MMP28: variants seen among roughly 807,000 people sequenced by gnomAD.
The protein encoded by MMP28 is matrix metalloproteinase-28.
MMP28 carries 55 observed loss-of-function variants against 60.5 expected under a neutral mutation model. The observed-to-expected ratio is 0.91, with a 90% CI of 0.73 to 1.14. MMP28 has a LOEUF of 1.14. MMP28 is among the 50% of genes most tolerant of loss of function. MMP28 has a pLI of 0.00. For missense variants in MMP28, 686 were observed against 738.3 expected (o/e 0.93, Z 0.82); for synonymous variants, 318 against 312.5 (o/e 1.02, Z -0.18).
chr17:35,791,834 C>T (rs1244431273), intron 1 of MMP28, among the ~76,000 whole-genome samples: 1 of 152,180 alleles, frequency 6.6e-6, no homozygotes, highest in African/African-American at 2.4e-5. Flanking sequence ...TCTCACCCTA[C>T]ACGTGCTAGC....
At position 35,767,827 on chromosome 17, in the gene MMP28, T is replaced by C; in HGVS notation, c.1093A>G (p.Arg365Gly). ...ATGTTGGGGGGCAGCCCGACCCATC[T>C]TTCCTGCAGTGGACGGGGCTCTGAG... The part of the protein sequence containing the change: ...NVSEPRPLQE[R>G]WVGLPPNIEA... The change falls in exon 7 of 8, where the codon AGA becomes GGA. Residue 365 changes from arginine (R) to glycine (G), a missense_variant. Physicochemically the swap from Arg to Gly is moderately radical, Grantham distance 125 (BLOSUM62 -2). Coordinates refer to ENST00000605424, the MANE Select transcript of MMP28 (RefSeq NM_024302.5). The C allele has an allele frequency of 1.2e-6, 2 of 1,611,826 alleles. No homozygotes were observed. The highest frequency in any genetic ancestry group is 1.3e-5 in the African/African-American group (1 of 75,024).
intron 1 of MMP28, among the ~76,000 whole-genome samples, chr17:35,787,625 G>C (rs1329570128): frequency 1.3e-5 from 2 of 152,054 alleles, no homozygotes; most frequent in Non-Finnish European, 2.9e-5. Flanking sequence ...CGACTATCTG[G>C]GATTACAGGC....
rs753052718 is a variant in MMP28, at chr17:35,770,309, C to T, written c.608G>A (p.Gly203Asp). 159 of 1,511,106 alleles carry T rather than the reference C, an allele frequency of 1.1e-4. No individual in the cohort carries two copies. Among genetic ancestry groups the T allele is most frequent in the Non-Finnish European group, 1.3e-4 (153 of 1,138,404 alleles). The allele number at this position is 1,511,106 out of a possible 1,614,324, so 93.6% of individuals were successfully genotyped here. A position where few individuals can be genotyped will look rare whatever the true frequency, so the allele number is the denominator to read the frequency against. Residue 203 changes from glycine to aspartate, a missense_variant, in exon 5 of 8, where the codon GGC (glycine) becomes GAC (aspartate). Physicochemically the swap from Gly to Asp is moderately conservative, Grantham distance 94. Coordinates refer to ENST00000605424, the MANE Select transcript of MMP28 (RefSeq NM_024302.5). ...GLGNAFDGPG[G>D]ALAHAFLPRR... is the part of the protein sequence containing the mutation. ...GGGCAGGAAGGCGTGCGCCAGGGCGCCCCCTGCAGGTGGGGCAGAAGGTCA... is the reference window on the plus strand; with the variant it reads ...GGGCAGGAAGGCGTGCGCCAGGGCGTCCCCTGCAGGTGGGGCAGAAGGTCA...
chr17:35,767,863 C>A lies in MMP28; in HGVS notation c.1057G>T (p.Asp353Tyr). The A allele has an allele frequency of 6.2e-7, 1 of 1,609,654 alleles. No individual in the cohort carries two copies. Among genetic ancestry groups the A allele is most frequent in the Non-Finnish European group, 8.5e-7 (1 of 1,178,268 alleles). Residue 353 changes from aspartate (D) to tyrosine (Y), a missense_variant, in exon 7 of 8, where the codon GAT (aspartate) becomes TAT (tyrosine). Physicochemically the swap from Asp to Tyr is radical, Grantham distance 160. Coordinates refer to ENST00000605424, the MANE Select transcript of MMP28 (RefSeq NM_024302.5). ...GGACGGGGCTCTGAGACGTTGCCAT[C>A]AGCTGCCACCTCCCAGAAATGGCTC... is the stretch of plus-strand genomic sequence containing the variant. ...KGSHFWEVAADGNVSEPRPLQ... is the reference protein window; with the variant it reads ...KGSHFWEVAAYGNVSEPRPLQ...
In MMP28 at chr17:35,795,433, C is replaced by A. The variant is rs576777255; in HGVS notation, c.-56G>T. The stretch of plus-strand genomic sequence containing the variant: ...GAGCTACTGCGCGCAGGGAACCAGC[C>A]GGCAGTCAGCCGCGCCCGGGACCCC... On this transcript the variant is annotated 5_prime_UTR_variant, in exon 1 of 8. Transcript: ENST00000605424. The A allele has an allele frequency of 1.4e-4, 176 of 1,286,978 alleles. No individual in the cohort carries two copies. The East Asian group carries it at 5.4e-3, about 40-fold the overall frequency. 79.7% of individuals were successfully genotyped at this position (1,286,978 alleles called of 1,614,324 possible).
intron 1 of MMP28, among the ~76,000 whole-genome samples, chr17:35,789,940 T>G (rs2086761438): frequency 3.3e-5 from 5 of 151,716 alleles, no homozygotes; most frequent in Admixed American, 3.3e-4. Flanking sequence ...TTTTGTATTT[T>G]TAGTAGAGAC....
intron 1 of MMP28, among the ~76,000 whole-genome samples, chr17:35,783,320 C>T (rs557173652): frequency 1.3e-5 from 2 of 152,290 alleles, no homozygotes; most frequent in South Asian, 2.1e-4. Flanking sequence ...TTAGAGGGAA[C>T]GTTAACAACA....
At chr17:35,789,399 A>G (rs2086744958) in intron 1 of MMP28, among the ~76,000 whole-genome samples, 2 of 152,212 alleles carry the variant, frequency 1.3e-5, no homozygotes, top group Non-Finnish European at 2.9e-5. Flanking sequence ...CTATGATCAC[A>G]CAGTTGTTTT....
Position 35,770,233 on chromosome 17 carries a change from G to T in MMP28, c.684C>A (p.Arg228=). The T allele has an allele frequency of 1.9e-6, 3 of 1,592,778 alleles. No individual in the cohort carries two copies. Among genetic ancestry groups the T allele is most frequent in the Non-Finnish European group, 2.6e-6 (3 of 1,175,406 alleles). The part of the protein sequence containing the change: ...FDQDERWSLS[R]RRGRNLFVVL... ...CCACGAACAGGTTGCGCCCGCGGCG[G>T]CGGCTCAGGGACCAGCGCTCATCTT... Residue 228 remains arginine (R), a synonymous_variant, in exon 5 of 8, where the codon CGC becomes CGA. Coordinates refer to ENST00000605424, the MANE Select transcript of MMP28 (RefSeq NM_024302.5).
rs376746905 is a variant in MMP28 at position 35,782,053 on chromosome 17, T to C, written c.112-2730A>G. Among the ~76,000 whole-genome samples, 116 of 141,878 alleles carry C rather than the reference T, an allele frequency of 8.2e-4. 1 individual carries two copies. Among genetic ancestry groups the C allele is most frequent in the Middle Eastern group, 7.4e-3 (2 of 270 alleles). The allele number at this position is 141,878 out of a possible 152,430, so 93.1% of individuals were successfully genotyped here. On this transcript the variant is annotated intron_variant, in intron 1 of 7. Coordinates refer to ENST00000605424, the MANE Select transcript of MMP28 (RefSeq NM_024302.5). ...TGCCTACCATGTTGTATTTCTCTCT[T>C]TTTTTTTTTTTTTTTTGAGACAGAG...
chr17:35,769,303 G>C (rs563391228), intron 5 of MMP28, among the ~76,000 whole-genome samples: 4 of 152,336 alleles, frequency 2.6e-5, no homozygotes, highest in South Asian at 2.1e-4. Context: ...CAGGGTATAA[G>C]TTTCTCAGGC....
intron 2 of MMP28, chr17:35,757,187 A>G (rs1422185571): frequency 6.6e-6 from 1 of 151,400 alleles, no homozygotes; most frequent in Non-Finnish European, 1.5e-5. Context: ...AATAAAATAA[A>G]AAATAGACTG....
chr17:35,773,985 T>C (rs926416731), intron 3 of MMP28, among the ~76,000 whole-genome samples: 2 of 152,172 alleles, frequency 1.3e-5, no homozygotes, highest in Non-Finnish European at 2.9e-5. Flanking sequence ...ACAAGACTCA[T>C]TCATTTGAGT....
At chr17:35,785,573 G>A (rs775380492) in intron 1 of MMP28, among the ~76,000 whole-genome samples, 9 of 151,964 alleles carry the variant, frequency 5.9e-5, no homozygotes, top group South Asian at 2.1e-4. Context: ...TCAACCTCCC[G>A]AGTAGCTGGG....
intron 1 of MMP28, among the ~76,000 whole-genome samples, chr17:35,794,216 GAA>G (rs1269272670): frequency 2.7e-5 from 4 of 150,514 alleles, no homozygotes; most frequent in Non-Finnish European, 5.9e-5. Flanking sequence ...GGGGAGGAAA[GAA>G]AAGATACTGT....
chr17:35,763,763 G>A (rs1214842849), downstream of MMP28, among the ~76,000 whole-genome samples: 2 of 151,982 alleles, frequency 1.3e-5, no homozygotes, highest in Admixed American at 6.5e-5. Context: ...AGGGCGCAGC[G>A]GGGCGTGCCT....
intron 4 of MMP28, among the ~76,000 whole-genome samples, chr17:35,771,696 AATATAT>A (rs71366482): frequency 0.01 from 504 of 50,064 alleles, 7 homozygotes; most frequent in Non-Finnish European, 0.011. Flanking sequence ...TATAGAAGTG[AATATAT>A]ATATATATAT....
rs375453890 is a variant in MMP28, at chr17:35,778,924, T to C, written c.343A>G (p.Thr115Ala). 1.1e-5 allele frequency: 17 copies of C among 1,613,928 alleles called. No homozygotes were observed. The African/African-American group carries it at 2.0e-4, about 19-fold the overall frequency. ...AAGCGTTTCTTACGCCTCATTTTGG[T>C]CCGGTGTCTAGCAAACAAGTCACTG... ...RISDLFARHR[T>A]KMRRKKRFAK... Residue 115 changes from threonine to alanine, a missense_variant, in exon 3 of 8, where the codon ACC becomes GCC. Transcript: ENST00000605424.
At chr17:35,770,634 C>T (rs34814294) in intron 4 of MMP28, among the ~76,000 whole-genome samples, 15,429 of 152,232 alleles carry the variant, frequency 0.1, 1,073 homozygotes, top group Middle Eastern at 0.19. Flanking sequence ...AGCTTAACCT[C>T]TCTATGTCTT....
Sources: gnomAD v4.1 joint callset for allele counts (sites outside exome capture counted in the v4.1 genomes callset) on GRCh38, gnomAD v4.1.1 for gene constraint, MANE v1.5 for transcripts, NCBI Gene and HGNC (gene_info 2026-07-23, HGNC 2026-07-21) for gene names.